POSTN: variants seen among roughly 807,000 people sequenced by gnomAD.
POSTN encodes periostin.
POSTN carries 71 observed loss-of-function variants against 104.5 expected under a neutral mutation model. That is an observed-to-expected ratio of 0.68 (90% CI 0.56 to 0.83). The LOEUF (loss-of-function observed/expected upper bound fraction) is 0.83, where lower values mean the gene tolerates loss of function less well. POSTN is among the 40% of genes least tolerant of loss of function. POSTN has a pLI of 0.00. For synonymous variants in POSTN, 355 were observed against 340.7 expected (o/e 1.04, Z -0.46); for missense variants, 949 against 1,006.8 (o/e 0.94, Z 0.78).
At chr13:37,567,457 G>A (rs1034381330) in intron 21 of POSTN, among the ~76,000 whole-genome samples, 1 of 151,752 alleles carries the variant, frequency 6.6e-6, no homozygotes, top group East Asian at 1.9e-4. Context: ...GGATACTTGT[G>A]ACTCAGTAAT....
In POSTN at chr13:37,579,891, T is replaced by G. The variant is rs753589713; in HGVS notation, c.1630A>C (p.Met544Leu). The G allele has an allele frequency of 3.7e-6, 6 of 1,613,090 alleles. No individual in the cohort carries two copies. The highest frequency in any genetic ancestry group is 5.1e-6 in the Non-Finnish European group (6 of 1,179,592). The part of the protein sequence containing the change: ...FVPTNDAFKG[M>L]TSEEKEILIR... ...AGAATTTCTTTTTCTTCACTAGTCATTCCCTTAAAAGCATCATTGGTTGGC... is the reference window on the plus strand; with the variant it reads ...AGAATTTCTTTTTCTTCACTAGTCAGTCCCTTAAAAGCATCATTGGTTGGC... Residue 544 changes from methionine (M) to leucine (L), a missense_variant, in exon 12 of 23, where the codon ATG becomes CTG. Coordinates refer to ENST00000379747, the MANE Select transcript of POSTN (RefSeq NM_006475.3).
At chr13:37,590,028 TCTTAA>T (rs760375939) in intron 4 of POSTN, among the ~76,000 whole-genome samples, 22 of 152,178 alleles carry the variant, frequency 1.4e-4, no homozygotes, top group Non-Finnish European at 2.8e-4. Flanking sequence ...TCAGTAGGCT[TCTTAA>T]CTTACCTTTC....
chr13:37,592,031 C>T, intron 3 of POSTN, 69 bp downstream of exon 3: 1 of 1,074,946 alleles, frequency 9.3e-7, no homozygotes. Context: ...CAATTGGCTT[C>T]TCCACAAGCC....
intron 21 of POSTN, 42 bp from the exon 22 acceptor site, chr13:37,564,602 G>A: frequency 8.2e-7 from 1 of 1,225,088 alleles, no homozygotes; most frequent in Non-Finnish European, 1.2e-6. Flanking sequence ...TCGCAATTAT[G>A]GCTAAAATCA....
At chr13:37,579,794 G>A in intron 12 of POSTN, 67 bp downstream of exon 12, 2 of 1,540,740 alleles carry the variant, frequency 1.3e-6, no homozygotes, top group Non-Finnish European at 1.8e-6. Context: ...ATCTGGACAG[G>A]AAAGCTTGAG....
At chr13:37,564,824 C>T (rs903773759) in intron 21 of POSTN, 5 of 295,910 alleles carry the variant, frequency 1.7e-5, no homozygotes, top group South Asian at 1.0e-4. Context: ...GGAACCCCAC[C>T]TAATGTGCCA....
chr13:37,590,288 A>G (rs1181789001), intron 4 of POSTN, 84 bp downstream of exon 4: 5 of 1,104,138 alleles, frequency 4.5e-6, no homozygotes, highest in African/African-American at 1.6e-5. Flanking sequence ...TAAAATTTCT[A>G]CTAATATCCA....
chr13:37,565,576 A>G (rs1950074147), intron 21 of POSTN: 1 of 152,048 alleles, frequency 6.6e-6, no homozygotes, highest in African/African-American at 2.4e-5. Context: ...AATTTTTTAA[A>G]AAAGAAATAA....
In POSTN at chr13:37,584,716, C is replaced by T; in HGVS notation, c.1108G>A (p.Ala370Thr). 1 of 1,610,464 alleles carries T rather than the reference C, an allele frequency of 6.2e-7. No individual in the cohort carries two copies. Among genetic ancestry groups the T allele is most frequent in the South Asian group, 1.1e-5 (1 of 90,300 alleles). The change falls in exon 8 of 23, where the codon GCC becomes ACC. Residue 370 changes from alanine (A) to threonine (T), a missense_variant and splice_region_variant. Transcript: ENST00000379747. ...AACAAAAACAAAAAAAGTTGCTTAC[C>T]AGAATCAGGAATTAGGACCTGATCA... is the stretch of plus-strand genomic sequence containing the variant. ...LIDQVLIPDS[A>T]KQVIELAGKQ...
intron 7 of POSTN, 121 bp from the exon 8 acceptor site, chr13:37,585,049 A>G (rs1593348800): frequency 6.3e-6 from 9 of 1,428,574 alleles, no homozygotes; most frequent in African/African-American, 5.7e-5. Context: ...CTAAGGATTC[A>G]CTAACAGCTT....
At chr13:37,579,721 A>T in intron 12 of POSTN, 140 bp downstream of exon 12, 1 of 964,130 alleles carries the variant, frequency 1.0e-6, no homozygotes, top group Non-Finnish European at 1.5e-6. Flanking sequence ...TCCCAAGTGG[A>T]CGAAATAAAA....
intron 21 of POSTN, chr13:37,568,829 C>A (rs1375538316): frequency 6.6e-6 from 1 of 151,746 alleles, no homozygotes; most frequent in African/African-American, 2.4e-5. Context: ...GATATTCATT[C>A]CCAAGAATAT....
rs1016830153 is a variant in POSTN, at chr13:37,563,107, G to A, written c.*226C>T. ...AATGTCAAGATGAAAAAGGGTGTAA[G>A]GTGTTATATTTTCTTCAATTCCTTT... On this transcript the variant is annotated 3_prime_UTR_variant, in exon 23 of 23. Transcript: ENST00000379747. The A allele has an allele frequency of 1.5e-5, 5 of 339,278 alleles. No individual in the cohort carries two copies. The East Asian group carries it at 2.5e-4, about 17-fold the overall frequency. The allele number at this position is 339,278 out of a possible 1,614,324, so 21.0% of individuals were successfully genotyped here. A position where few individuals can be genotyped will look rare whatever the true frequency, so the allele number is the denominator to read the frequency against.
chr13:37,566,211 G>C (rs1048723300), intron 21 of POSTN, among the ~76,000 whole-genome samples: 1 of 152,182 alleles, frequency 6.6e-6, no homozygotes. Flanking sequence ...ATTAGATCAT[G>C]TTTAGAGCAG....
At chr13:37,595,925 C>T (rs1441651216) in intron 2 of POSTN, among the ~76,000 whole-genome samples, 3 of 151,556 alleles carry the variant, frequency 2.0e-5, no homozygotes, top group African/African-American at 7.3e-5. Flanking sequence ...ATTCTCCTGC[C>T]TCAGCCTCCC....
intron 21 of POSTN, among the ~76,000 whole-genome samples, chr13:37,565,785 T>A: frequency 6.6e-6 from 1 of 152,132 alleles, no homozygotes; most frequent in Admixed American, 6.5e-5. Context: ...TTATGAAATA[T>A]TCTCCAACAG....
intron 18 of POSTN, 79 bp downstream of exon 18, chr13:37,571,290 G>C: frequency 3.2e-6 from 3 of 929,382 alleles, no homozygotes; most frequent in Non-Finnish European, 4.9e-6. Flanking sequence ...AATATCAGAT[G>C]TTCAATATTT....
chr13:37,596,622 G>A (rs1951094312), intron 2 of POSTN, among the ~76,000 whole-genome samples: 1 of 152,164 alleles, frequency 6.6e-6, no homozygotes, highest in Admixed American at 6.6e-5. Context: ...TCTGGGGATG[G>A]AGCATCTTGA....
intron 11 of POSTN, 114 bp downstream of exon 11, chr13:37,580,447 C>T: frequency 8.4e-7 from 1 of 1,190,754 alleles, no homozygotes; most frequent in South Asian, 1.5e-5. Context: ...ACATTTTATT[C>T]TAAATTCCAT....
Sources: gnomAD v4.1 joint callset for allele counts (sites outside exome capture counted in the v4.1 genomes callset) on GRCh38, gnomAD v4.1.1 for gene constraint, MANE v1.5 for transcripts, NCBI Gene and HGNC (gene_info 2026-07-23, HGNC 2026-07-21) for gene names.